Variants in HDAC9 observed in about 807,000 individuals in gnomAD.
HDAC9 encodes the protein MEF-2 interacting transcription repressor (MITR) protein.
In HDAC9, 41 loss-of-function variants were observed where a neutral mutation model predicts 139.4. The ratio of observed to expected loss-of-function variants is 0.29; its 90% CI spans 0.23 to 0.38. The LOEUF is 0.38. HDAC9 is among the 10% of genes least tolerant of loss of function. The pLI, the probability that HDAC9 is intolerant of heterozygous loss-of-function variation, is 1.00. For synonymous variants in HDAC9, 517 were observed against 476.2 expected (o/e 1.09, Z -1.12); for missense variants, 1,147 against 1,297.0 (o/e 0.88, Z 1.78).
intron 21 of HDAC9, among the ~76,000 whole-genome samples, chr7:18,843,578 G>A (rs922865173): frequency 3.9e-5 from 6 of 151,924 alleles, no homozygotes; most frequent in Admixed American, 2.6e-4. Context: ...TAAAGCTCTC[G>A]CTCAATTAAA....
chr7:18,981,652 A>G (rs1005883667), intron 25 of HDAC9, among the ~76,000 whole-genome samples: 3 of 152,120 alleles, frequency 2.0e-5, no homozygotes, highest in African/African-American at 7.2e-5. Flanking sequence ...TTCTTCAGTC[A>G]TCATATCTCT....
At chr7:18,407,289 C>A (rs1297094950) in intron 1 of HDAC9, among the ~76,000 whole-genome samples, 3 of 152,108 alleles carry the variant, frequency 2.0e-5, no homozygotes, top group Non-Finnish European at 4.4e-5. Flanking sequence ...CTTTCTTGGA[C>A]CCAAGAGTCA....
At chr7:18,176,272 C>G (rs1487375076) in intron 2 of HDAC9, among the ~76,000 whole-genome samples, 1 of 152,098 alleles carries the variant, frequency 6.6e-6, no homozygotes, top group Non-Finnish European at 1.5e-5. Flanking sequence ...CTTGAGATCT[C>G]CAGTGCTTTC....
intron 12 of HDAC9, among the ~76,000 whole-genome samples, chr7:18,700,228 G>A (rs189254045): frequency 2.0e-4 from 30 of 152,218 alleles, no homozygotes; most frequent in Admixed American, 3.3e-4. Flanking sequence ...ATATGTTTGT[G>A]TATGGCGATG....
intron 16 of HDAC9, among the ~76,000 whole-genome samples, chr7:18,784,270 G>T (rs12699981): frequency 6.6e-6 from 1 of 151,576 alleles, no homozygotes; most frequent in Non-Finnish European, 1.5e-5. Context: ...TTTCTTTCGT[G>T]TCTCACCTTG....
At chr7:18,833,312 C>G (rs1320565023) in intron 19 of HDAC9, among the ~76,000 whole-genome samples, 1 of 152,144 alleles carries the variant, frequency 6.6e-6, no homozygotes, top group Non-Finnish European at 1.5e-5. Flanking sequence ...GAGAACATAT[C>G]ATTTTATATT....
At chr7:18,434,028 C>T (rs1206232731) in intron 1 of HDAC9, among the ~76,000 whole-genome samples, 1 of 152,140 alleles carries the variant, frequency 6.6e-6, no homozygotes, top group Non-Finnish European at 1.5e-5. Flanking sequence ...TGACAGGCTG[C>T]AGTATCCAAA....
intron 1 of HDAC9, among the ~76,000 whole-genome samples, chr7:18,445,346 A>G (rs998978822): frequency 1.3e-5 from 2 of 152,150 alleles, no homozygotes; most frequent in Non-Finnish European, 2.9e-5. Context: ...CTATTTTTCA[A>G]TGAGTTGAAT....
chr7:18,990,483 G>C (rs1038874385), intron 25 of HDAC9, among the ~76,000 whole-genome samples: 3 of 152,238 alleles, frequency 2.0e-5, no homozygotes, highest in Non-Finnish European at 2.9e-5. Flanking sequence ...AGTCTGCAGA[G>C]GTTACTGCTG....
At position 18,964,560 on chromosome 7, in the gene HDAC9, C is replaced by T. The variant is rs73307048; in HGVS notation, c.3022+10330C>T. Among the ~76,000 whole-genome samples the T allele has an allele frequency of 1.8e-4, 27 of 152,234 alleles. 1 individual carries two copies. The highest frequency in any genetic ancestry group is 5.8e-4 in the African/African-American group (24 of 41,550). On this transcript the variant is annotated intron_variant, in intron 24 of 25. Coordinates refer to ENST00000686413, the MANE Select transcript of HDAC9 (RefSeq NM_178425.4). ...AAGTAAGAGTATATTACTCCATTCA[C>T]ACACTGTTTTAAACAACTGCCCAAC...
At chr7:18,604,732 T>G (rs1354604906) in intron 6 of HDAC9, among the ~76,000 whole-genome samples, 1 of 152,182 alleles carries the variant, frequency 6.6e-6, no homozygotes, top group Non-Finnish European at 1.5e-5. Context: ...GCTGTGCTTT[T>G]GATCTCCAGC....
intron 22 of HDAC9, among the ~76,000 whole-genome samples, chr7:18,923,388 G>A (rs893054933): frequency 6.6e-6 from 1 of 152,030 alleles, no homozygotes; most frequent in African/African-American, 2.4e-5. Flanking sequence ...TCTCATTATA[G>A]ACCCTTGTTG....
intron 1 of HDAC9, among the ~76,000 whole-genome samples, chr7:18,089,808 T>TA (rs1782027522): frequency 1.3e-5 from 2 of 152,202 alleles, no homozygotes; most frequent in African/African-American, 4.8e-5. Context: ...ATGGACATCA[T>TA]AAAATCCTTC....
intron 1 of HDAC9, among the ~76,000 whole-genome samples, chr7:18,422,338 G>C (rs1186657905): frequency 6.6e-6 from 1 of 152,138 alleles, no homozygotes; most frequent in Non-Finnish European, 1.5e-5. Context: ...GACTAGAAAG[G>C]AGAAGATATT....
rs1174517438 is a variant in HDAC9 at position 18,954,186 on chromosome 7, A to G, written c.2978A>G (p.Asn993Ser). 6.4e-6 allele frequency: 10 copies of G among 1,571,320 alleles called. No homozygotes were observed. The highest frequency in any genetic ancestry group is 7.8e-6 in the Non-Finnish European group (9 of 1,151,626). Reference sequence around the variant, plus strand: ...GAAGATATTCTCCACCAAAGCCCGAATATGAATGCTGTTATTTCTTTACAG... The same window carrying G: ...GAAGATATTCTCCACCAAAGCCCGAGTATGAATGCTGTTATTTCTTTACAG... ...LAEDILHQSPNMNAVISLQKI... is the reference protein window; with the variant it reads ...LAEDILHQSPSMNAVISLQKI... Residue 993 changes from asparagine to serine, a missense_variant, in exon 24 of 26, where the codon AAT (asparagine) becomes AGT (serine). Asn to Ser is a conservative substitution (Grantham distance 46). Coordinates refer to ENST00000686413, the MANE Select transcript of HDAC9 (RefSeq NM_178425.4).
At chr7:18,530,377 T>A (rs1237987724) in intron 2 of HDAC9, among the ~76,000 whole-genome samples, 2 of 152,148 alleles carry the variant, frequency 1.3e-5, no homozygotes, top group Non-Finnish European at 2.9e-5. Context: ...CTTGCTGATG[T>A]GAAGTTAGCC....
chr7:18,419,029 T>A (rs1216924570), intron 1 of HDAC9, among the ~76,000 whole-genome samples: 3 of 152,256 alleles, frequency 2.0e-5, no homozygotes, highest in African/African-American at 7.2e-5. Context: ...CATGTCTGAA[T>A]GGCTAACTTG....
intron 21 of HDAC9, among the ~76,000 whole-genome samples, chr7:18,839,885 ATTAT>A (rs1231518894): frequency 2.0e-5 from 3 of 152,076 alleles, no homozygotes; most frequent in Non-Finnish European, 4.4e-5. Context: ...TGTTAAAGTG[ATTAT>A]TTATGTCAGA....
intron 17 of HDAC9, among the ~76,000 whole-genome samples, chr7:18,797,427 C>A (rs1402413087): frequency 4.6e-5 from 7 of 152,182 alleles, no homozygotes; most frequent in African/African-American, 1.7e-4. Context: ...TACCCACGAA[C>A]TCCTCATCCA....
Sources: allele counts gnomAD v4.1 joint callset (sites outside exome capture counted in the v4.1 genomes callset), GRCh38; gene constraint gnomAD v4.1.1; transcripts MANE v1.5; gene names NCBI Gene and HGNC (gene_info 2026-07-23, HGNC 2026-07-21).